Variants in LRRC17 observed in about 807,000 individuals in gnomAD.
LRRC17 encodes the protein leucine rich repeat containing 17.
In LRRC17, 33 loss-of-function variants were observed where a neutral mutation model predicts 41.5. The observed-to-expected ratio is 0.80, with a 90% confidence interval of 0.60 to 1.06. LRRC17 has a LOEUF of 1.06. Among genes scored for constraint, LRRC17 ranks in the 50% least tolerant of loss-of-function variants. LRRC17 has a pLI of 0.00. For missense variants in LRRC17, 491 were observed against 519.3 expected, an observed-to-expected ratio of 0.95 and a Z score of 0.53; for synonymous variants, 192 against 197.0, an observed-to-expected ratio of 0.97 and a Z score of 0.21.
intron 1 of LRRC17, among the ~76,000 whole-genome samples, chr7:102,924,283 G>A (rs1192079223): frequency 2.6e-5 from 4 of 151,254 alleles, no homozygotes; most frequent in Non-Finnish European, 5.9e-5. Flanking sequence ...CTTAGGTACT[G>A]CAAAAAAACA....
chr7:102,939,740 G>T (rs1780129274), intron 3 of LRRC17, among the ~76,000 whole-genome samples, 155 bp downstream of exon 3: 1 of 152,184 alleles, frequency 6.6e-6, no homozygotes, highest in Admixed American at 6.5e-5. Flanking sequence ...ACTAGGAGTT[G>T]TTTGCCACTC....
Position 102,939,498 on chromosome 7 carries a change from A to T in LRRC17, c.841A>T (p.Asn281Tyr). The part of the protein sequence containing the change: ...VKLDLSYNKI[N>Y]QLRPKEFEDV... ...ACTTGACTTGTCATACAATAAAATCAACCAACTTCGACCCAAGGAATTTGA... is the reference window on the plus strand; with the variant it reads ...ACTTGACTTGTCATACAATAAAATCTACCAACTTCGACCCAAGGAATTTGA... The change falls in exon 3 of 4, where the codon AAC becomes TAC. Residue 281 changes from asparagine to tyrosine, a missense_variant. Transcript: ENST00000339431. 1 of 1,614,076 alleles carries T rather than the reference A, an allele frequency of 6.2e-7. No homozygotes were observed. Among genetic ancestry groups the T allele is most frequent in the Non-Finnish European group, 8.5e-7 (1 of 1,179,960 alleles).
Position 102,944,453 on chromosome 7 carries a change from AAT to A in LRRC17, c.1177_1178del (p.Ile393Ter). The A allele has an allele frequency of 5.0e-6, 8 of 1,614,086 alleles. No homozygotes were observed. The highest frequency in any genetic ancestry group is 6.8e-6 in the Non-Finnish European group (8 of 1,179,988). On this transcript the variant is annotated frameshift_variant, in exon 4 of 4. Coordinates refer to ENST00000339431, the MANE Select transcript of LRRC17 (RefSeq NM_001031692.3). LOFTEE classifies it high-confidence loss of function. ...GAATACAAAGGATGGTCTGTGGGAA[AAT>A]ATATTAGAAGTTACTATGAAGAATG... is the stretch of plus-strand genomic sequence containing the variant.
intron 1 of LRRC17, among the ~76,000 whole-genome samples, chr7:102,919,974 C>T (rs1816667392): frequency 6.6e-6 from 1 of 152,104 alleles, no homozygotes; most frequent in African/African-American, 2.4e-5. Flanking sequence ...GCAAACACTA[C>T]AATTCGATAT....
intron 1 of LRRC17, among the ~76,000 whole-genome samples, chr7:102,922,154 C>T (rs780280777): frequency 8.0e-5 from 12 of 149,302 alleles, no homozygotes; most frequent in Non-Finnish European, 1.0e-4. Context: ...CGTGCCACTG[C>T]ATTCCAGCCT....
At chr7:102,923,607 G>C (rs887896611) in intron 1 of LRRC17, among the ~76,000 whole-genome samples, 2 of 150,576 alleles carry the variant, frequency 1.3e-5, no homozygotes, top group African/African-American at 4.9e-5. Context: ...CGGATCACGA[G>C]GTCAGGAGTT....
chr7:102,924,163 G>C (rs780619506), intron 1 of LRRC17, among the ~76,000 whole-genome samples: 1 of 151,818 alleles, frequency 6.6e-6, no homozygotes, highest in Non-Finnish European at 1.5e-5. Context: ...GCTTGAACCT[G>C]GGAGGCGAAG....
At chr7:102,930,886 T>C (rs747689951) in intron 1 of LRRC17, among the ~76,000 whole-genome samples, 1 of 152,258 alleles carries the variant, frequency 6.6e-6, no homozygotes, top group East Asian at 1.9e-4. Context: ...GATAGTTGCA[T>C]TCACTAAATA....
rs1028067818 is a variant in LRRC17 at position 102,944,829 on chromosome 7, A to G, written c.*222A>G. On this transcript the variant is annotated 3_prime_UTR_variant, in exon 4 of 4. Coordinates refer to ENST00000339431, the MANE Select transcript of LRRC17 (RefSeq NM_001031692.3). ...GTGGAACAGCATCTGGTGATATGCA[A>G]TTCCACACTGGTAACCTGCAGCAGT... The G allele has an allele frequency of 2.0e-5, 9 of 452,654 alleles. No individual in the cohort carries two copies. The highest frequency in any genetic ancestry group is 1.4e-4 in the African/African-American group (7 of 49,656). 28.0% of individuals were successfully genotyped at this position (452,654 alleles called of 1,614,324 possible). A position where few individuals can be genotyped will look rare whatever the true frequency, so the allele number is the denominator to read the frequency against.
intron 1 of LRRC17, among the ~76,000 whole-genome samples, chr7:102,913,619 T>C (rs1815211179): frequency 6.6e-6 from 1 of 152,170 alleles, no homozygotes; most frequent in African/African-American, 2.4e-5. Context: ...GTGCAAAATA[T>C]ATAAAAGGAC....
At chr7:102,932,022 A>AG (rs1819277671) in intron 1 of LRRC17, 10 of 1,190,790 alleles carry the variant, frequency 8.4e-6, no homozygotes, top group Non-Finnish European at 1.2e-5. Context: ...CAATGTATTC[A>AG]TTAGAAAACA....
chr7:102,913,852 C>T (rs1489615244), intron 1 of LRRC17, among the ~76,000 whole-genome samples: 1 of 152,096 alleles, frequency 6.6e-6, no homozygotes, highest in Non-Finnish European at 1.5e-5. Context: ...GACCAGTTTG[C>T]AAATAAGCAG....
intron 3 of LRRC17, among the ~76,000 whole-genome samples, chr7:102,939,894 GT>G (rs199710203): frequency 0.029 from 4,269 of 148,296 alleles, 121 homozygotes; most frequent in East Asian, 0.15. Context: ...AAATGTAGTG[GT>G]TTTTTTTTTG....
At chr7:102,914,264 G>T (rs1411312453) in intron 1 of LRRC17, among the ~76,000 whole-genome samples, 1 of 152,164 alleles carries the variant, frequency 6.6e-6, no homozygotes, top group South Asian at 2.1e-4. Flanking sequence ...GTAGAGACAG[G>T]GTTTCACCAT....
chr7:102,934,586 C>G lies in LRRC17; in HGVS notation c.673C>G (p.Gln225Glu), dbSNP rs1455231298. The change falls in exon 2 of 4, where the codon CAA becomes GAA. Residue 225 changes from glutamine to glutamate, a missense_variant. Transcript: ENST00000339431. ...AAAGGAACAATTGGACCCGAAACCC[C>G]AAGTGTCAGGGAGACCCCCAGTCAT... ...EEKEQLDPKP[Q>E]VSGRPPVIKP... The G allele has an allele frequency of 1.4e-5, 23 of 1,613,950 alleles. No individual in the cohort carries two copies. Among genetic ancestry groups the G allele is most frequent in the Non-Finnish European group, 1.9e-5 (23 of 1,179,966 alleles).
In LRRC17 at chr7:102,933,767, C is replaced by T; in HGVS notation, c.-140-7C>T. 3 of 735,234 alleles carry T rather than the reference C, an allele frequency of 4.1e-6. No homozygotes were observed. The highest frequency in any genetic ancestry group is 6.5e-6 in the Non-Finnish European group (3 of 464,976). 45.5% of individuals were successfully genotyped at this position (735,234 alleles called of 1,614,324 possible). ...TAATTTTTAATATATATTTTTTTCT[C>T]TTCCAGCCTAGGGACTCCACGTACC... On this transcript the variant is annotated splice_region_variant and splice_polypyrimidine_tract_variant and intron_variant, in intron 1 of 3. Transcript: ENST00000339431.
Position 102,934,544 on chromosome 7 carries a change from T to C in LRRC17, c.631T>C (p.Leu211=), listed in dbSNP as rs1392062907. 1 of 1,535,162 alleles carries C rather than the reference T, an allele frequency of 6.5e-7. No individual in the cohort carries two copies. The highest frequency in any genetic ancestry group is 8.8e-7 in the Non-Finnish European group (1 of 1,138,242). Residue 211 remains leucine (L), a synonymous_variant, in exon 2 of 4, where the codon TTG becomes CTG. Coordinates refer to ENST00000339431, the MANE Select transcript of LRRC17 (RefSeq NM_001031692.3). ...KKLRQIKSEQ[L]CNEEEKEQLD... ...ACTGCGGCAGATAAAATCTGAACAG[T>C]TGTGTAATGAAGAAGAAAAGGAACA...
At chr7:102,943,916 C>T (rs1044717942) in intron 3 of LRRC17, among the ~76,000 whole-genome samples, 3 of 152,188 alleles carry the variant, frequency 2.0e-5, no homozygotes, top group Admixed American at 2.0e-4. Context: ...TAGGACCCCA[C>T]CTTCCCACCA....
intron 1 of LRRC17, chr7:102,931,940 C>A: frequency 6.2e-7 from 1 of 1,613,100 alleles, no homozygotes; most frequent in Non-Finnish European, 8.5e-7. Flanking sequence ...TGGCCTAAAT[C>A]AAATAAGTTA....
Sources: gnomAD v4.1 joint callset for allele counts (sites outside exome capture counted in the v4.1 genomes callset) on GRCh38, gnomAD v4.1.1 for gene constraint, MANE v1.5 for transcripts, NCBI Gene and HGNC (gene_info 2026-07-23, HGNC 2026-07-21) for gene names.